Variants in TRPM2 observed in about 807,000 individuals in gnomAD.
TRPM2 encodes the protein transient receptor potential cation channel subfamily M member 2, also known as estrogen-responsive element-associated gene 1 protein.
TRPM2 carries 161 observed loss-of-function variants against 174.0 expected under a neutral mutation model. The ratio of observed to expected loss-of-function variants is 0.93; its 90% CI spans 0.81 to 1.05. The LOEUF (loss-of-function observed/expected upper bound fraction) is 1.05, where lower values mean the gene tolerates loss of function less well. Ranked by LOEUF, TRPM2 falls within the 50% of genes least tolerant of loss-of-function variation. The pLI is 0.00. For missense variants in TRPM2, 2,057 were observed against 2,038.0 expected, an observed-to-expected ratio of 1.01 and a Z score of -0.18; for synonymous variants, 954 against 861.3, an observed-to-expected ratio of 1.11 and a Z score of -1.88.
At position 44,435,157 on chromosome 21, in the gene TRPM2, G is replaced by A. The variant is rs145602698; in HGVS notation, c.4001G>A (p.Arg1334His). ...AACCCCATGGGCCGCACAGGACTGCGTGGGCGCGGGAGCCTCAGCTGCTTC... is the reference window on the plus strand; with the variant it reads ...AACCCCATGGGCCGCACAGGACTGCATGGGCGCGGGAGCCTCAGCTGCTTC... ...PLNPMGRTGL[R>H]GRGSLSCFGP... The change falls in exon 28 of 32, where the codon CGT becomes CAT. Residue 1334 changes from arginine (R) to histidine (H), a missense_variant. Physicochemically the swap from Arg to His is conservative, Grantham distance 29. Coordinates refer to ENST00000397928, the MANE Select transcript of TRPM2 (RefSeq NM_003307.4). 1.5e-4 allele frequency: 248 copies of A among 1,613,436 alleles called. No individual in the cohort carries two copies. In the African/African-American group the frequency reaches 2.0e-3, roughly 13 times the overall value.
At chr21:44,427,228 G>A (rs917710856) in intron 27 of TRPM2, 117 bp downstream of exon 27, 34 of 865,556 alleles carry the variant, frequency 3.9e-5, no homozygotes, top group East Asian at 1.4e-4. Flanking sequence ...AAAAAAGCAC[G>A]TGAGCCACCG....
Position 44,414,018 on chromosome 21 carries a change from C to T in TRPM2, c.3090C>T (p.Cys1030=). The T allele has an allele frequency of 6.2e-7, 1 of 1,613,726 alleles. No individual in the cohort carries two copies. The highest frequency in any genetic ancestry group is 8.5e-7 in the Non-Finnish European group (1 of 1,180,014). Residue 1030 remains cysteine (C), a synonymous_variant, in exon 20 of 32, where the codon TGC becomes TGT. Transcript: ENST00000397928. ...AGTGGCTGACGGTCCTCCTACTCTG[C>T]CTCTACCTGCTCTTCACCAACATCC... is the stretch of plus-strand genomic sequence containing the variant. The part of the protein sequence containing the change: ...FPEWLTVLLL[C]LYLLFTNILL...
At chr21:44,418,319 C>T in intron 21 of TRPM2, 104 bp from the exon 22 acceptor site, 1 of 1,498,450 alleles carries the variant, frequency 6.7e-7, no homozygotes, top group East Asian at 2.3e-5. Flanking sequence ...CTTCCTGCCA[C>T]TCAGGACTGG....
chr21:44,430,153 A>C (rs1016729792), intron 27 of TRPM2, among the ~76,000 whole-genome samples: 5 of 152,226 alleles, frequency 3.3e-5, no homozygotes, highest in Non-Finnish European at 7.3e-5. Flanking sequence ...GAGTTAATTT[A>C]CTAACATTTT....
At position 44,438,804 on chromosome 21, in the gene TRPM2, T is replaced by C. The variant is rs2051376639; in HGVS notation, c.4168-263T>C. Among the ~76,000 whole-genome samples the C allele has an allele frequency of 6.6e-6, 1 of 151,986 alleles. No individual in the cohort carries two copies. Among genetic ancestry groups the C allele is most frequent in the African/African-American group, 2.4e-5 (1 of 41,392 alleles). ...TTGGGGAGTCTGAGCTCAGGGTGGGTACCCTGGGGGCTGTCCCTGCTCCTC... is the reference window on the plus strand; with the variant it reads ...TTGGGGAGTCTGAGCTCAGGGTGGGCACCCTGGGGGCTGTCCCTGCTCCTC... On this transcript the variant is annotated intron_variant, in intron 29 of 31. Transcript: ENST00000397928. This position sits in a 1 kb window ranked among gnomAD's most constrained non-coding sequence, Gnocchi z 5.9.
rs758620522 is a variant in TRPM2, at chr21:44,435,214, C to T, written c.4058C>T (p.Thr1353Met). The T allele has an allele frequency of 1.9e-6, 3 of 1,612,678 alleles. No homozygotes were observed. Among genetic ancestry groups the T allele is most frequent in the East Asian group, 4.5e-5 (2 of 44,878 alleles). Residue 1353 changes from threonine to methionine, a missense_variant, in exon 28 of 32, where the codon ACG becomes ATG. Transcript: ENST00000397928. ...GPNHTLYPMV[T>M]RWRRNEDGAI... ...AACCACACGCTGTACCCCATGGTCA[C>T]GCGGTGAGTTCATGTGTGCCGGGCA...
At chr21:44,372,424 G>A (rs2048568553) in intron 5 of TRPM2, among the ~76,000 whole-genome samples, 1 of 152,152 alleles carries the variant, frequency 6.6e-6, no homozygotes, top group South Asian at 2.1e-4. Flanking sequence ...GAACCTGGGA[G>A]GCGGAGGTTG....
rs1169867836 is a variant in TRPM2, at chr21:44,418,486, A to G, written c.3392A>G (p.Asn1131Ser). 1 of 1,614,104 alleles carries G rather than the reference A, an allele frequency of 6.2e-7. No individual in the cohort carries two copies. Among genetic ancestry groups the G allele is most frequent in the East Asian group, 2.2e-5 (1 of 44,880 alleles). ...TCCTGGGAGATCTACCTGAAGGAGA[A>G]CTACCTCCAGAACCGACAGTTCCAG... ...LLSWEIYLKE[N>S]YLQNRQFQQK... Residue 1131 changes from asparagine to serine, a missense_variant, in exon 22 of 32, where the codon AAC (asparagine) becomes AGC (serine). Physicochemically the swap from Asn to Ser is conservative, Grantham distance 46 (BLOSUM62 1). Transcript: ENST00000397928.
chr21:44,436,890 T>C (rs895971453), intron 28 of TRPM2, among the ~76,000 whole-genome samples, 172 bp from the exon 29 acceptor site: 2 of 152,164 alleles, frequency 1.3e-5, no homozygotes, highest in Non-Finnish European at 2.9e-5. Context: ...GTCCCCTAAG[T>C]GGTTACTATC....
intron 18 of TRPM2, 95 bp downstream of exon 18, chr21:44,406,132 T>A: frequency 6.7e-7 from 1 of 1,481,522 alleles, no homozygotes; most frequent in Non-Finnish European, 9.1e-7. Flanking sequence ...GACTGGGGCT[T>A]AAACACACCT....
rs1168065487 is a variant in TRPM2, at chr21:44,367,982, T to G, written c.604+1048T>G. Reference sequence around the variant, plus strand: ...AAATAATGCCATGGATTTGTTCAGGTCTCACCTGCTCCAGGTCTTGATGTT... The same window carrying G: ...AAATAATGCCATGGATTTGTTCAGGGCTCACCTGCTCCAGGTCTTGATGTT... On this transcript the variant is annotated intron_variant, in intron 4 of 31. Transcript: ENST00000397928. This position sits in a 1 kb window ranked among gnomAD's most constrained non-coding sequence, Gnocchi z 4.6. Among the ~76,000 whole-genome samples the G allele has an allele frequency of 1.3e-5, 2 of 152,226 alleles. No individual in the cohort carries two copies.
At chr21:44,357,522 C>T (rs2048092316) in intron 2 of TRPM2, among the ~76,000 whole-genome samples, 1 of 152,220 alleles carries the variant, frequency 6.6e-6, no homozygotes, top group Non-Finnish European at 1.5e-5. Context: ...GGGCAGGCTG[C>T]TGCGGCTCTC....
chr21:44,379,889 C>T lies in TRPM2; in HGVS notation c.1215+692C>T, dbSNP rs73375911. 3.7e-3 allele frequency among the ~76,000 whole-genome samples: 567 copies of T among 152,324 alleles called. 2 individuals are homozygous for T. The highest frequency in any genetic ancestry group is 0.013 in the African/African-American group (541 of 41,582). ...TGGGGCCTTTTCATCCTCAGTTTCC[C>T]AGCAAGCCAGGGCCGGCAGAGCCCT... is the stretch of plus-strand genomic sequence containing the variant. On this transcript the variant is annotated intron_variant, in intron 8 of 31. Coordinates refer to ENST00000397928, the MANE Select transcript of TRPM2 (RefSeq NM_003307.4).
chr21:44,435,502 C>A (rs1173345604), intron 28 of TRPM2, among the ~76,000 whole-genome samples: 1 of 152,014 alleles, frequency 6.6e-6, no homozygotes, highest in African/African-American at 2.4e-5. Flanking sequence ...TTAGAGGGCA[C>A]CCTCCACGGG....
chr21:44,371,092 T>A (rs1008120018), intron 5 of TRPM2, among the ~76,000 whole-genome samples: 6 of 152,240 alleles, frequency 3.9e-5, no homozygotes, highest in African/African-American at 1.2e-4. Context: ...TTGGCCATCA[T>A]CCAGCCATCG....
chr21:44,422,217 A>G (rs1601225175), intron 22 of TRPM2: 1 of 1,521,596 alleles, frequency 6.6e-7, no homozygotes, highest in Non-Finnish European at 8.8e-7. Context: ...GTGGGGTGCC[A>G]TAACCTTGCA....
At chr21:44,385,269 G>A (rs2048986492) in intron 9 of TRPM2, among the ~76,000 whole-genome samples, 1 of 152,242 alleles carries the variant, frequency 6.6e-6, no homozygotes, top group South Asian at 2.1e-4. Context: ...AAACTACCTT[G>A]ATGTAATAAA....
chr21:44,404,110 T>G (rs946589401), intron 16 of TRPM2, among the ~76,000 whole-genome samples: 12 of 151,822 alleles, frequency 7.9e-5, no homozygotes, highest in Admixed American at 2.0e-4. Context: ...TATATACATA[T>G]GCACACATGA....
chr21:44,430,761 A>G (rs1004097458), intron 27 of TRPM2, among the ~76,000 whole-genome samples: 1 of 152,116 alleles, frequency 6.6e-6, no homozygotes, highest in African/African-American at 2.4e-5. Context: ...TTTATCTTCC[A>G]TAATGATTTT....
Sources: gnomAD v4.1 joint callset for allele counts (sites outside exome capture counted in the v4.1 genomes callset) on GRCh38, gnomAD v4.1.1 for gene constraint, Gnocchi (gnomAD v3.1) non-coding constraint, MANE v1.5 for transcripts, NCBI Gene and HGNC (gene_info 2026-07-23, HGNC 2026-07-21) for gene names.